Variants in CLNK observed in about 807,000 individuals in gnomAD.
CLNK encodes cytokine-dependent hematopoietic cell linker.
A neutral mutation model predicts 68.6 loss-of-function variants in CLNK; 74 were observed. The ratio of observed to expected loss-of-function variants is 1.08; its 90% CI spans 0.89 to 1.31. The LOEUF (loss-of-function observed/expected upper bound fraction) is 1.31, where lower values mean the gene tolerates loss of function less well. Ranked by LOEUF, CLNK falls within the 50% of genes most tolerant of loss-of-function variation. The pLI is 0.00. For synonymous variants in CLNK, 198 were observed against 172.2 expected, an observed-to-expected ratio of 1.15 and a Z score of -1.17; for missense variants, 553 against 515.3, an observed-to-expected ratio of 1.07 and a Z score of -0.71.
At chr4:10,540,112 T>C (rs1406941151) in intron 11 of CLNK, among the ~76,000 whole-genome samples, 1 of 152,178 alleles carries the variant, frequency 6.6e-6, no homozygotes, top group African/African-American at 2.4e-5. Context: ...TGGGAGATGA[T>C]TGGGTCATGG....
chr4:10,500,347 A>T (rs1181643122), intron 18 of CLNK, among the ~76,000 whole-genome samples: 1 of 152,198 alleles, frequency 6.6e-6, no homozygotes, highest in Non-Finnish European at 1.5e-5. Context: ...CATCTAAGAT[A>T]GGAAAAATCA....
chr4:10,722,829 C>A, the CLNK span, among the ~76,000 whole-genome samples: 2 of 152,172 alleles, frequency 1.3e-5, no homozygotes, highest in South Asian at 4.1e-4. Context: ...GCGGGTGGAT[C>A]ACCTAAGGTC....
intron 2 of CLNK, among the ~76,000 whole-genome samples, chr4:10,608,159 C>T (rs914316877): frequency 1.3e-5 from 2 of 152,216 alleles, no homozygotes; most frequent in African/African-American, 4.8e-5. Context: ...CTCCATTGAT[C>T]TCCTTGACAC....
intron 17 of CLNK, among the ~76,000 whole-genome samples, chr4:10,507,586 C>T (rs1027402322): frequency 7.2e-5 from 11 of 152,024 alleles, no homozygotes; most frequent in Non-Finnish European, 1.2e-4. Flanking sequence ...GTCTCAGCCT[C>T]CTGAGTAGCT....
the CLNK span, among the ~76,000 whole-genome samples, chr4:10,725,941 T>A: frequency 2.0e-5 from 3 of 152,204 alleles, no homozygotes; most frequent in Non-Finnish European, 2.9e-5. Flanking sequence ...AGGCATGTTG[T>A]ATCAAAGCAG....
chr4:10,713,880 A>G, the CLNK span, among the ~76,000 whole-genome samples: 116,788 of 152,076 alleles, frequency 0.77, 45,106 homozygotes, highest in Admixed American at 0.83. Flanking sequence ...ACCAATTGTC[A>G]GATCTCAGGT....
At chr4:10,502,886 G>C (rs1180283044) in intron 17 of CLNK, among the ~76,000 whole-genome samples, 1 of 152,108 alleles carries the variant, frequency 6.6e-6, no homozygotes, top group Non-Finnish European at 1.5e-5. Flanking sequence ...CAGAAGCCAA[G>C]AGGTGGAGAC....
At chr4:10,664,096 A>T (rs898649778) in intron 2 of CLNK, among the ~76,000 whole-genome samples, 2 of 152,166 alleles carry the variant, frequency 1.3e-5, no homozygotes, top group African/African-American at 4.8e-5. Context: ...GCAGATAGTA[A>T]GGAATTAGTC....
chr4:10,613,459 T>C (rs561911132), intron 2 of CLNK, among the ~76,000 whole-genome samples: 4 of 152,178 alleles, frequency 2.6e-5, no homozygotes, highest in Non-Finnish European at 4.4e-5. Context: ...ATGGGGAAGA[T>C]GGTCCAAGAG....
chr4:10,693,007 G>T, the CLNK span, among the ~76,000 whole-genome samples: 3 of 152,164 alleles, frequency 2.0e-5, no homozygotes, highest in Non-Finnish European at 4.4e-5. Flanking sequence ...ATCAATCTGG[G>T]GACATAATTT....
chr4:10,501,307 G>A lies in CLNK; in HGVS notation c.1089C>T (p.Phe363=), dbSNP rs765906900. The A allele has an allele frequency of 6.2e-6, 10 of 1,607,352 alleles. No homozygotes were observed. In the South Asian group the frequency reaches 1.1e-4, roughly 18 times the overall value. The change falls in exon 18 of 19, where the codon TTC becomes TTT. Residue 363 remains phenylalanine (F), a synonymous_variant. Transcript: ENST00000226951. ...ENKVYNVKIR[F]LERNQQFALG... ...GGGCAAACTGCTGATTCCTCTCCAG[G>A]AAGCGTATTTTTACATTGTAGACTT...
Position 10,513,702 on chromosome 4 carries a change from A to G in CLNK, c.773-105T>C, listed in dbSNP as rs1717707425. Reference sequence around the variant, plus strand: ...CCCTTTGCTCCTTCCTATATCTGTGAGGACCTTCTTGGTCAACACCATATC... The same window carrying G: ...CCCTTTGCTCCTTCCTATATCTGTGGGGACCTTCTTGGTCAACACCATATC... On this transcript the variant is annotated intron_variant, in intron 15 of 18. Coordinates refer to ENST00000226951, the MANE Select transcript of CLNK (RefSeq NM_052964.4). 4.4e-6 allele frequency: 5 copies of G among 1,142,836 alleles called. No individual in the cohort carries two copies. The South Asian group carries it at 9.1e-5, about 21-fold the overall frequency. The allele number at this position is 1,142,836 out of a possible 1,614,324, so 70.8% of individuals were successfully genotyped here. A position where few individuals can be genotyped will look rare whatever the true frequency, so the allele number is the denominator to read the frequency against.
chr4:10,717,468 C>T, the CLNK span, among the ~76,000 whole-genome samples: 2 of 152,182 alleles, frequency 1.3e-5, no homozygotes, highest in East Asian at 3.9e-4. Context: ...TGGTTATGCA[C>T]GCCTGTAATT....
chr4:10,699,512 A>ATATATATATATTTT, the CLNK span, among the ~76,000 whole-genome samples: 3 of 32,758 alleles, frequency 9.2e-5, no homozygotes, highest in African/African-American at 3.5e-4. Flanking sequence ...ATATATATAT[A>ATATATATATATTTT]TTTTTTTTTT....
the CLNK span, among the ~76,000 whole-genome samples, chr4:10,709,602 CTTCCATCTG>C: frequency 1.3e-5 from 2 of 152,146 alleles, no homozygotes; most frequent in Admixed American, 1.3e-4. Context: ...TATCCTAGAT[CTTCCATCTG>C]GAGGTAAATT....
chr4:10,621,027 G>A lies in CLNK; in HGVS notation c.12-22978C>T, dbSNP rs368547957. Among the ~76,000 whole-genome samples, 96 of 152,200 alleles carry A rather than the reference G, an allele frequency of 6.3e-4. 1 individual carries two copies. The East Asian group carries it at 0.013, about 20-fold the overall frequency. On this transcript the variant is annotated intron_variant, in intron 2 of 18. Coordinates refer to ENST00000226951, the MANE Select transcript of CLNK (RefSeq NM_052964.4). ...CAGGAGGCTGAGGCAGGATAATGGC[G>A]TGAACCCGGGAGACAGAGCTTGCAG...
At chr4:10,728,254 C>T in the CLNK span, among the ~76,000 whole-genome samples, 1 of 152,192 alleles carries the variant, frequency 6.6e-6, no homozygotes, top group Non-Finnish European at 1.5e-5. Context: ...CAAAACCTCT[C>T]TTGTCTCCCC....
At chr4:10,603,713 G>A (rs1298467201) in intron 2 of CLNK, among the ~76,000 whole-genome samples, 3 of 152,226 alleles carry the variant, frequency 2.0e-5, no homozygotes, top group South Asian at 2.1e-4. Context: ...ATCCCATGTT[G>A]GGGTGGGAAG....
chr4:10,627,616 G>C (rs1380579116), intron 2 of CLNK, among the ~76,000 whole-genome samples: 1 of 152,180 alleles, frequency 6.6e-6, no homozygotes, highest in Non-Finnish European at 1.5e-5. Flanking sequence ...GAGAGGGACA[G>C]AGAGAGACAG....
Sources: gnomAD v4.1 joint callset for allele counts (sites outside exome capture counted in the v4.1 genomes callset) on GRCh38, gnomAD v4.1.1 for gene constraint, MANE v1.5 for transcripts, NCBI Gene and HGNC (gene_info 2026-07-23, HGNC 2026-07-21) for gene names.